The following ADGRG2 variants were observed in gnomAD, a reference collection of about 807,000 sequenced individuals.
ADGRG2 encodes the protein G protein-coupled receptor 64.
A neutral mutation model predicts 74.1 loss-of-function variants in ADGRG2; 26 were observed. That is an observed-to-expected ratio of 0.35 (90% CI 0.26 to 0.49). ADGRG2 has a LOEUF of 0.49. Among genes scored for constraint, ADGRG2 ranks in the 20% least tolerant of loss-of-function variants. ADGRG2 has a pLI of 0.99. For missense variants in ADGRG2, 619 were observed against 763.1 expected, an observed-to-expected ratio of 0.81 and a Z score of 2.22; for synonymous variants, 296 against 295.2, an observed-to-expected ratio of 1.00 and a Z score of -0.03.
intron 3 of ADGRG2, among the ~76,000 whole-genome samples, chrX:19,051,593 G>A (rs141458902): frequency 0.033 from 3,723 of 111,774 alleles, 60 homozygotes; most frequent in Non-Finnish European, 0.047. Context: ...TTGACTAAGA[G>A]AATATGGTGC....
chrX:19,034,642 G>C (rs1267442061), intron 7 of ADGRG2: 1 of 112,315 alleles, frequency 8.9e-6, no homozygotes, highest in Non-Finnish European at 1.9e-5. Flanking sequence ...TTGTCATTAA[G>C]AATCTTTTAG....
intron 1 of ADGRG2, among the ~76,000 whole-genome samples, chrX:19,100,907 C>T (rs978446831): frequency 1.1e-4 from 13 of 113,238 alleles, no homozygotes; most frequent in Admixed American, 1.9e-4. Context: ...CTCAGCTTTG[C>T]GATTCCTCGC....
chrX:19,113,662 C>T (rs2062455692), intron 1 of ADGRG2, among the ~76,000 whole-genome samples: 1 of 112,064 alleles, frequency 8.9e-6, no homozygotes, highest in Non-Finnish European at 1.9e-5. Context: ...AATGATAAAG[C>T]AAACAGGATA....
chrX:19,031,063 G>C, intron 8 of ADGRG2, 26 bp from the exon 9 acceptor site: 1 of 1,101,064 alleles, frequency 9.1e-7, no homozygotes, highest in East Asian at 3.0e-5. Flanking sequence ...AACCCAGCTG[G>C]TTAAGCATGT....
intron 3 of ADGRG2, among the ~76,000 whole-genome samples, chrX:19,049,713 G>A (rs961026919): frequency 1.2e-4 from 13 of 109,933 alleles, no homozygotes; most frequent in African/African-American, 3.3e-4. Flanking sequence ...AATGTGGCCC[G>A]GGGAAGCCAA....
chrX:19,098,335 TAA>T (rs1407857779), intron 1 of ADGRG2, among the ~76,000 whole-genome samples: 1 of 111,829 alleles, frequency 8.9e-6, no homozygotes, highest in Non-Finnish European at 1.9e-5. Flanking sequence ...GCTGTTTAGC[TAA>T]AGTTATATGG....
chrX:19,097,415 G>A lies in ADGRG2; in HGVS notation c.-46-14669C>T, dbSNP rs976979747. 6.2e-5 allele frequency among the ~76,000 whole-genome samples: 7 copies of A among 112,483 alleles called. No homozygotes were observed. The Admixed American group carries it at 6.6e-4, about 11-fold the overall frequency. On this transcript the variant is annotated intron_variant, in intron 1 of 28. Coordinates refer to ENST00000379869, the MANE Select transcript of ADGRG2 (RefSeq NM_001079858.3). The stretch of plus-strand genomic sequence containing the variant: ...AATCCCAGCTACTGGGGAGGCTGAG[G>A]CAGGAGAATCGCTTCAATCCGGGAG...
chrX:19,105,985 T>A (rs926939879), intron 1 of ADGRG2, among the ~76,000 whole-genome samples: 1 of 104,825 alleles, frequency 9.5e-6, no homozygotes, highest in East Asian at 3.0e-4. Flanking sequence ...TTGGCACATA[T>A]TCGAGATAAG....
intron 2 of ADGRG2, among the ~76,000 whole-genome samples, chrX:19,075,413 T>A (rs1332022767): frequency 1.8e-5 from 2 of 109,043 alleles, no homozygotes; most frequent in African/African-American, 6.7e-5. Context: ...GGCCAGGAGT[T>A]CGAGGTCAGC....
chrX:19,093,734 G>GT lies in ADGRG2; in HGVS notation c.-46-10989dup, dbSNP rs1056792861. On this transcript the variant is annotated intron_variant, in intron 1 of 28. Coordinates refer to ENST00000379869, the MANE Select transcript of ADGRG2 (RefSeq NM_001079858.3). ...GGCTTGTTTCTGTTTTTGTTTGGTTGTTTTTTTGGTAAGGGCTTGCACCCA... is the reference window on the plus strand; with the variant it reads ...GGCTTGTTTCTGTTTTTGTTTGGTTGTTTTTTTTGGTAAGGGCTTGCACCCA... Among the ~76,000 whole-genome samples, 6 of 111,549 alleles carry GT rather than the reference G, an allele frequency of 5.4e-5. No homozygotes were observed. The Admixed American group carries it at 5.7e-4, about 11-fold the overall frequency.
chrX:19,039,707 T>C (rs2061016594), intron 4 of ADGRG2, among the ~76,000 whole-genome samples: 1 of 112,070 alleles, frequency 8.9e-6, no homozygotes, highest in African/African-American at 3.2e-5. Context: ...TCCAGGCACT[T>C]GCCAATCTGG....
intron 13 of ADGRG2, among the ~76,000 whole-genome samples, chrX:19,022,630 ATTG>A (rs905272185): frequency 8.9e-6 from 1 of 111,919 alleles, no homozygotes; most frequent in African/African-American, 3.2e-5. Context: ...ACCCCAAATA[ATTG>A]TTGGACAAGC....
chrX:19,095,825 G>A, intron 1 of ADGRG2, among the ~76,000 whole-genome samples: 1 of 109,798 alleles, frequency 9.1e-6, no homozygotes, highest in Admixed American at 9.7e-5. Context: ...TCCAGCCTGG[G>A]CAACATAGTG....
intron 13 of ADGRG2, 80 bp downstream of exon 13, chrX:19,023,336 C>G: frequency 1.8e-6 from 1 of 558,857 alleles, no homozygotes; most frequent in Non-Finnish European, 2.9e-6. Context: ...TTTGCATTTG[C>G]AATTTAACTA....
At chrX:19,038,837 A>G (rs1302818430) in intron 4 of ADGRG2, among the ~76,000 whole-genome samples, 1 of 111,662 alleles carries the variant, frequency 9.0e-6, no homozygotes, top group Non-Finnish European at 1.9e-5. Flanking sequence ...AGATATCACC[A>G]TGATTCAGTT....
chrX:19,121,741 G>T (rs1475617269), intron 1 of ADGRG2, among the ~76,000 whole-genome samples: 1 of 110,212 alleles, frequency 9.1e-6, no homozygotes, highest in Non-Finnish European at 1.9e-5. Flanking sequence ...TGTCACTGTC[G>T]AAGCAGCCAC....
At chrX:19,043,517 A>G (rs1346192303) in intron 3 of ADGRG2, among the ~76,000 whole-genome samples, 1 of 112,313 alleles carries the variant, frequency 8.9e-6, no homozygotes, top group Non-Finnish European at 1.9e-5. Context: ...CAAAGAGCCA[A>G]TTTTCAAGCA....
intron 1 of ADGRG2, among the ~76,000 whole-genome samples, chrX:19,101,874 C>CA (rs1462648687): frequency 9.1e-6 from 1 of 110,160 alleles, no homozygotes; most frequent in Non-Finnish European, 1.9e-5. Context: ...ACTGAACCAG[C>CA]AGTGACCCAC....
chrX:19,095,096 G>A (rs747239921), intron 1 of ADGRG2, among the ~76,000 whole-genome samples: 2 of 111,838 alleles, frequency 1.8e-5, no homozygotes, highest in East Asian at 5.6e-4. Context: ...CCTGCCTCCC[G>A]CAGGCGTCTG....
Sources: gnomAD v4.1 joint callset for allele counts (sites outside exome capture counted in the v4.1 genomes callset) on GRCh38, gnomAD v4.1.1 for gene constraint, MANE v1.5 for transcripts, NCBI Gene and HGNC (gene_info 2026-07-23, HGNC 2026-07-21) for gene names.